EML4: variants seen among roughly 807,000 people sequenced by gnomAD.
The protein encoded by EML4 is echinoderm microtubule-associated protein-like 4.
In EML4, 72 loss-of-function variants were observed where a neutral mutation model predicts 129.0. That is an observed-to-expected ratio of 0.56 (90% confidence interval 0.46 to 0.68). EML4 has a LOEUF of 0.68. Among genes scored for constraint, EML4 ranks in the 30% least tolerant of loss-of-function variants. The pLI is 0.00. For synonymous variants in EML4, 532 were observed against 405.0 expected (o/e 1.31, Z -3.77); for missense variants, 1,363 against 1,190.6 (o/e 1.14, Z -2.13).
chr2:42,215,444 T>TA (rs1673127496), intron 1 of EML4, among the ~76,000 whole-genome samples: 1 of 152,150 alleles, frequency 6.6e-6, no homozygotes, highest in South Asian at 2.1e-4. Context: ...TATGTACCTA[T>TA]AAAAGCTTCC....
At chr2:42,230,995 A>C (rs1171795233) in intron 1 of EML4, among the ~76,000 whole-genome samples, 3 of 152,180 alleles carry the variant, frequency 2.0e-5, no homozygotes, top group African/African-American at 7.2e-5. Context: ...ATTTAAATAA[A>C]AACACCACTG....
intron 6 of EML4, among the ~76,000 whole-genome samples, chr2:42,277,046 A>G (rs1454391521): frequency 6.6e-6 from 1 of 152,140 alleles, no homozygotes; most frequent in African/African-American, 2.4e-5. Context: ...TTCAAAAAGG[A>G]GAGCATTTTT....
intron 19 of EML4, among the ~76,000 whole-genome samples, chr2:42,324,860 C>T (rs367581112): frequency 2.0e-5 from 3 of 152,130 alleles, no homozygotes; most frequent in Non-Finnish European, 2.9e-5. Flanking sequence ...AGAAAAAGAT[C>T]GTTGTTTCCT....
intron 14 of EML4, among the ~76,000 whole-genome samples, chr2:42,302,653 C>T (rs1023012842): frequency 6.6e-6 from 1 of 152,024 alleles, no homozygotes; most frequent in Non-Finnish European, 1.5e-5. Context: ...CCTGCCTCAG[C>T]CTCCTCAGTA....
chr2:42,238,031 G>C (rs998764284), intron 1 of EML4, among the ~76,000 whole-genome samples: 12 of 152,178 alleles, frequency 7.9e-5, no homozygotes, highest in Non-Finnish European at 1.5e-5. Flanking sequence ...TTTTCTGATA[G>C]TTCAGTATAC....
chr2:42,175,661 G>A (rs897995814), intron 1 of EML4, among the ~76,000 whole-genome samples: 7 of 152,014 alleles, frequency 4.6e-5, no homozygotes, highest in Non-Finnish European at 7.4e-5. Context: ...ACCGCACCCA[G>A]CTAATTTTTG....
At chr2:42,230,265 T>TC (rs1674247158) in intron 1 of EML4, among the ~76,000 whole-genome samples, 1 of 152,268 alleles carries the variant, frequency 6.6e-6, no homozygotes, top group South Asian at 2.1e-4. Context: ...AATAGCTTCT[T>TC]CCCCAGAGGG....
intron 6 of EML4, among the ~76,000 whole-genome samples, chr2:42,267,160 T>C (rs1173560463): frequency 1.3e-5 from 2 of 152,162 alleles, no homozygotes. Context: ...CATTAAAGGG[T>C]TACTGTAAAA....
At chr2:42,221,598 T>C (rs1415992502) in intron 1 of EML4, among the ~76,000 whole-genome samples, 1 of 150,796 alleles carries the variant, frequency 6.6e-6, no homozygotes, top group African/African-American at 2.4e-5. Context: ...TTTTTTTGGG[T>C]TTTGTTTTGT....
At chr2:42,275,907 C>T (rs183395415) in intron 6 of EML4, among the ~76,000 whole-genome samples, 91 of 152,214 alleles carry the variant, frequency 6.0e-4, no homozygotes, top group Admixed American at 3.4e-3. Context: ...TTACTGATCT[C>T]GTATTCTGCT....
rs1343629399 is a variant in EML4, at chr2:42,330,051, T to C, written c.2790T>C (p.Thr930=). The C allele has an allele frequency of 6.2e-7, 1 of 1,613,138 alleles. No individual in the cohort carries two copies. Among genetic ancestry groups the C allele is most frequent in the South Asian group, 1.1e-5 (1 of 91,010 alleles). The change falls in exon 23 of 23, where the codon ACT becomes ACC. Residue 930 remains threonine, a synonymous_variant. Coordinates refer to ENST00000318522, the MANE Select transcript of EML4 (RefSeq NM_019063.5). ...TTCTGGAGAACAGCCTGGAACAAACTGTGGAGCCAAGTGAAGACCACAGCG... is the reference window on the plus strand; with the variant it reads ...TTCTGGAGAACAGCCTGGAACAAACCGTGGAGCCAAGTGAAGACCACAGCG... ...PTLLENSLEQ[T]VEPSEDHSEE... is the part of the protein sequence containing the mutation.
chr2:42,250,667 A>G (rs1003597272), intron 2 of EML4, among the ~76,000 whole-genome samples: 7 of 151,994 alleles, frequency 4.6e-5, no homozygotes, highest in African/African-American at 1.7e-4. Flanking sequence ...TGTATGGCAT[A>G]GCCCAGTGGT....
At chr2:42,182,527 C>A (rs1671009627) in intron 1 of EML4, among the ~76,000 whole-genome samples, 1 of 152,128 alleles carries the variant, frequency 6.6e-6, no homozygotes, top group Non-Finnish European at 1.5e-5. Flanking sequence ...TACACACTTG[C>A]CTTGCACTGG....
intron 13 of EML4, among the ~76,000 whole-genome samples, chr2:42,297,087 T>G (rs951613779): frequency 2.0e-5 from 3 of 152,228 alleles, no homozygotes; most frequent in African/African-American, 2.4e-5. Context: ...GGCCATATAT[T>G]CTTAGCCTCT....
At chr2:42,322,902 T>C (rs570127796) in intron 19 of EML4, among the ~76,000 whole-genome samples, 2 of 152,358 alleles carry the variant, frequency 1.3e-5, no homozygotes, top group Admixed American at 1.3e-4. Flanking sequence ...CTTTCATTTC[T>C]AAATATGAGT....
intron 1 of EML4, among the ~76,000 whole-genome samples, chr2:42,178,569 C>CAT (rs1670751564): frequency 6.6e-6 from 1 of 152,042 alleles, no homozygotes; most frequent in Non-Finnish European, 1.5e-5. Flanking sequence ...AGAGGATTTT[C>CAT]CTTGTTTGTA....
At chr2:42,190,594 T>C (rs1572851366) in intron 1 of EML4, among the ~76,000 whole-genome samples, 1 of 152,332 alleles carries the variant, frequency 6.6e-6, no homozygotes, top group Non-Finnish European at 1.5e-5. Flanking sequence ...AGTTTTGTTT[T>C]CATAAAAAGT....
rs774587396 is a variant in EML4, at chr2:42,326,193, C to T, written c.2282C>T (p.Ser761Leu). 61 of 1,613,472 alleles carry T rather than the reference C, an allele frequency of 3.8e-5. No homozygotes were observed. The highest frequency in any genetic ancestry group is 8.5e-6 in the Non-Finnish European group (10 of 1,179,784). Residue 761 changes from serine (S) to leucine (L), a missense_variant, in exon 21 of 23, where the codon TCG (serine) becomes TTG (leucine). Transcript: ENST00000318522. The stretch of plus-strand genomic sequence containing the variant: ...GGCTGCAAACTAATCAGGAATCGAT[C>T]GGATTGTAAGGACATTGATTGGACG... ...PNGCKLIRNR[S>L]DCKDIDWTTY...
At chr2:42,311,314 C>G (rs1051919919) in intron 17 of EML4, among the ~76,000 whole-genome samples, 1 of 152,196 alleles carries the variant, frequency 6.6e-6, no homozygotes, top group African/African-American at 2.4e-5. Context: ...CACCTGTAAT[C>G]CCAGCACTTT....
Sources: allele counts gnomAD v4.1 joint callset (sites outside exome capture counted in the v4.1 genomes callset), GRCh38; gene constraint gnomAD v4.1.1; transcripts MANE v1.5; gene names NCBI Gene and HGNC (gene_info 2026-07-23, HGNC 2026-07-21).